Variants in FGF14 observed in about 807,000 individuals in gnomAD.
The protein encoded by FGF14 is fibroblast growth factor homologous factor 4.
In FGF14, 5 loss-of-function variants were observed where a neutral mutation model predicts 25.5. That is an observed-to-expected ratio of 0.20 (90% CI 0.10 to 0.41). The LOEUF (loss-of-function observed/expected upper bound fraction) is 0.41. Among genes scored for constraint, FGF14 ranks in the 10% least tolerant of loss-of-function variants. The pLI, the probability that FGF14 is intolerant of heterozygous loss-of-function variation, is 1.00. For synonymous variants in FGF14, 138 were observed against 118.3 expected (o/e 1.17, Z -1.08); for missense variants, 222 against 320.1 (o/e 0.69, Z 2.34).
intron 3 of FGF14, among the ~76,000 whole-genome samples, chr13:101,844,115 C>G (rs1361950637): frequency 6.6e-6 from 1 of 151,920 alleles, no homozygotes; most frequent in Non-Finnish European, 1.5e-5. Context: ...TGTGTGTCTT[C>G]TATTTATTGC....
intron 1 of FGF14, among the ~76,000 whole-genome samples, chr13:102,114,477 T>C (rs370191210): frequency 3.3e-5 from 5 of 152,178 alleles, no homozygotes; most frequent in Non-Finnish European, 5.9e-5. Context: ...TCCAAGATAA[T>C]TGAAATAAGA....
chr13:102,189,716 T>G (rs2049049521), intron 1 of FGF14, among the ~76,000 whole-genome samples: 1 of 152,138 alleles, frequency 6.6e-6, no homozygotes, highest in Non-Finnish European at 1.5e-5. Flanking sequence ...ACCAAGAGTT[T>G]TATTTGGCTC....
At chr13:101,777,315 G>A (rs9518538) in intron 3 of FGF14, among the ~76,000 whole-genome samples, 61,075 of 151,950 alleles carry the variant, frequency 0.4, 12,850 homozygotes, top group East Asian at 0.75. Flanking sequence ...TTTGTTATAA[G>A]AAGGTTGTAT....
chr13:101,780,878 C>G lies in FGF14; in HGVS notation c.409-54068G>C, dbSNP rs150669411. Among the ~76,000 whole-genome samples the G allele has an allele frequency of 1.4e-4, 21 of 152,178 alleles. No homozygotes were observed. The East Asian group carries it at 3.5e-3, about 25-fold the overall frequency. On this transcript the variant is annotated intron_variant, in intron 3 of 4. Coordinates refer to ENST00000376143, the MANE Select transcript of FGF14 (RefSeq NM_004115.4). ...GAATTTAGGAACTCTAACGTTCCTC[C>G]GAAGCAGACGGCTCCTTGCTCTAAG...
chr13:102,259,588 G>A (rs2052616700), intron 1 of FGF14, among the ~76,000 whole-genome samples: 1 of 151,990 alleles, frequency 6.6e-6, no homozygotes, highest in East Asian at 1.9e-4. Flanking sequence ...TGGATTTATC[G>A]ACCCTGTGGG....
At chr13:102,032,501 G>T (rs933731081) in intron 1 of FGF14, among the ~76,000 whole-genome samples, 4 of 152,118 alleles carry the variant, frequency 2.6e-5, no homozygotes, top group South Asian at 2.1e-4. Flanking sequence ...GGTATTTTGA[G>T]TAATGACATA....
chr13:102,325,830 T>G (rs1213592009), intron 1 of FGF14, among the ~76,000 whole-genome samples: 1 of 152,218 alleles, frequency 6.6e-6, no homozygotes, highest in Non-Finnish European at 1.5e-5. Context: ...CCTTCATTTG[T>G]GTTTGTTTTC....
At position 102,393,113 on chromosome 13, in the gene FGF14, C is replaced by T. The variant is rs146066721; in HGVS notation, c.208+8358G>A. On this transcript the variant is annotated intron_variant, in intron 1 of 4. Coordinates refer to the FGF14 transcript ENST00000376131. ...GACAGCCTAACCAGTGCCTTTACCA[C>T]GTGGCTAACTCTTAGTCATTCTTCA... 4.1e-3 allele frequency among the ~76,000 whole-genome samples: 621 copies of T among 152,286 alleles called. 3 individuals are homozygous for T. The highest frequency in any genetic ancestry group is 0.014 in the African/African-American group (576 of 41,560).
chr13:102,242,867 T>C (rs973997627), intron 1 of FGF14, among the ~76,000 whole-genome samples: 8 of 152,138 alleles, frequency 5.3e-5, no homozygotes, highest in African/African-American at 1.9e-4. Context: ...AGACAAGCTT[T>C]CCCTCAAAAT....
At chr13:101,809,973 T>C (rs1003238234) in intron 3 of FGF14, among the ~76,000 whole-genome samples, 1 of 152,172 alleles carries the variant, frequency 6.6e-6, no homozygotes, top group Non-Finnish European at 1.5e-5. Flanking sequence ...CCTAACTACT[T>C]AAGATCTTGA....
intron 1 of FGF14, among the ~76,000 whole-genome samples, chr13:101,951,243 TA>T (rs2036150473): frequency 6.6e-6 from 1 of 152,178 alleles, no homozygotes; most frequent in African/African-American, 2.4e-5. Context: ...ATGATGTTCA[TA>T]TGATTTGATG....
At chr13:102,205,984 T>TAAAAAAAAAAAAAAAA (rs36108366) in intron 1 of FGF14, among the ~76,000 whole-genome samples, 2 of 47,462 alleles carry the variant, frequency 4.2e-5, no homozygotes, top group African/African-American at 6.9e-5. Flanking sequence ...CTCCCTGTGG[T>TAAAAAAAAAAAAAAAA]AAAAAAAAAA....
chr13:102,139,391 C>T (rs1202156926), intron 1 of FGF14, among the ~76,000 whole-genome samples: 1 of 151,338 alleles, frequency 6.6e-6, no homozygotes, highest in East Asian at 1.9e-4. Context: ...TAGAGTGAGA[C>T]CCTATCTCAA....
chr13:101,787,982 C>T (rs957144096), intron 3 of FGF14, among the ~76,000 whole-genome samples: 6 of 152,196 alleles, frequency 3.9e-5, no homozygotes, highest in African/African-American at 7.2e-5. Flanking sequence ...AGTGATTCTC[C>T]GGCCTCAGCC....
At chr13:101,736,029 C>T (rs1314134491) in intron 3 of FGF14, among the ~76,000 whole-genome samples, 3 of 152,040 alleles carry the variant, frequency 2.0e-5, no homozygotes, top group Non-Finnish European at 2.9e-5. Flanking sequence ...ATATGCAAAA[C>T]GTTTCTTTGT....
chr13:102,334,957 A>G (rs1244800643), intron 1 of FGF14, among the ~76,000 whole-genome samples: 4 of 152,134 alleles, frequency 2.6e-5, no homozygotes, highest in African/African-American at 4.8e-5. Flanking sequence ...CAAGTGACCA[A>G]GCAGACCGTC....
At chr13:101,757,485 AG>A (rs1186760776) in intron 3 of FGF14, among the ~76,000 whole-genome samples, 9 of 152,236 alleles carry the variant, frequency 5.9e-5, no homozygotes, top group African/African-American at 1.9e-4. Flanking sequence ...CAAGACTAAT[AG>A]ATTATTTAGA....
Position 101,797,735 on chromosome 13 carries a change from ATGTGTG to A in FGF14, c.409-70931_409-70926del, listed in dbSNP as rs1555384521. Among the ~76,000 whole-genome samples, 320 of 34,078 alleles carry A rather than the reference ATGTGTG, an allele frequency of 9.4e-3. 2 individuals carry two copies. Among genetic ancestry groups the A allele is most frequent in the African/African-American group, 0.016 (298 of 18,594 alleles). The allele number at this position is 34,078 out of a possible 152,430, so 22.4% of individuals were successfully genotyped here. ...TAACTAAAGAGAATGTCATGAATTG[ATGTGTG>A]TGTGTGTGTGTGTGTGTGTGTGTGT... is the stretch of plus-strand genomic sequence containing the variant. On this transcript the variant is annotated intron_variant, in intron 3 of 4. Coordinates refer to ENST00000376143, the MANE Select transcript of FGF14 (RefSeq NM_004115.4).
chr13:101,861,211 C>G (rs1398107475), intron 3 of FGF14, among the ~76,000 whole-genome samples: 1 of 152,072 alleles, frequency 6.6e-6, no homozygotes, highest in Non-Finnish European at 1.5e-5. Flanking sequence ...CAAGACAGCC[C>G]TGAGATGTGA....
Sources: gnomAD v4.1 joint callset for allele counts (sites outside exome capture counted in the v4.1 genomes callset) on GRCh38, gnomAD v4.1.1 for gene constraint, MANE v1.5 for transcripts, NCBI Gene and HGNC (gene_info 2026-07-23, HGNC 2026-07-21) for gene names.